The following PAQR3 variants were observed in gnomAD, a reference collection of about 807,000 sequenced individuals.
PAQR3 encodes Raf kinase trapping to Golgi.
Under a neutral mutation model 41.7 loss-of-function variants are expected in PAQR3, and 39 were observed. The ratio of observed to expected loss-of-function variants is 0.93; its 90% CI spans 0.72 to 1.22. The LOEUF (loss-of-function observed/expected upper bound fraction) is 1.22, where lower values mean the gene tolerates loss of function less well. Among genes scored for constraint, PAQR3 ranks in the 50% most tolerant of loss-of-function variants. PAQR3 has a pLI of 0.00. For missense variants in PAQR3, 366 were observed against 385.6 expected, an observed-to-expected ratio of 0.95 and a Z score of 0.42; for synonymous variants, 140 against 140.6, an observed-to-expected ratio of 1.00 and a Z score of 0.03.
Position 78,912,928 on chromosome 4 carries a change from A to G in PAQR3, c.*7611T>C, listed in dbSNP as rs1734736285. The G allele has an allele frequency of 6.6e-6, 1 of 152,158 alleles. No homozygotes were observed. The allele number at this position is 152,158 out of a possible 1,614,324, so 9.4% of individuals were successfully genotyped here. On this transcript the variant is annotated 3_prime_UTR_variant, in exon 6 of 6. Transcript: ENST00000512733. ...GCATGGCTTCTTGCCCCAAACTTTTATTGTGATGGCCCTAATAAAGCAGAT... is the reference window on the plus strand; with the variant it reads ...GCATGGCTTCTTGCCCCAAACTTTTGTTGTGATGGCCCTAATAAAGCAGAT...
In PAQR3 at chr4:78,915,949, T is replaced by C. The variant is rs1735019330; in HGVS notation, c.*4590A>G. On this transcript the variant is annotated 3_prime_UTR_variant, in exon 6 of 6. Transcript: ENST00000512733. ...CTGGCAAACAGCTTTAAGTGCACTT[T>C]CTTTGATTACACTTCCATTTTTTGT... 6.6e-6 allele frequency: 1 copy of C among 152,002 alleles called. No homozygotes were observed. Among genetic ancestry groups the C allele is most frequent in the Non-Finnish European group, 1.5e-5 (1 of 67,900 alleles). 9.4% of individuals were successfully genotyped at this position (152,002 alleles called of 1,614,324 possible). A position where few individuals can be genotyped will look rare whatever the true frequency, so the allele number is the denominator to read the frequency against.
intron 4 of PAQR3, 94 bp downstream of exon 4, chr4:78,926,427 C>A: frequency 9.9e-7 from 1 of 1,011,196 alleles, no homozygotes; most frequent in South Asian, 1.6e-5. Flanking sequence ...TGACAAACAT[C>A]TACCCACTTG....
downstream of PAQR3, among the ~76,000 whole-genome samples, chr4:78,908,046 TATC>T (rs1734376455): frequency 6.6e-6 from 1 of 152,364 alleles, no homozygotes; most frequent in Admixed American, 6.5e-5. Context: ...TTGTTTTTAA[TATC>T]ATAAATACGC....
Position 78,930,179 on chromosome 4 carries a change from A to G in PAQR3, c.495T>C (p.Tyr165=). Reference sequence around the variant, plus strand: ...GTTTTCATCTACTTACGTTATTACAATAAAATGCGTAAAATACTCCTGAGA... The same window carrying G: ...GTTTTCATCTACTTACGTTATTACAGTAAAATGCGTAAAATACTCCTGAGA... ...CYVSGVFYAF[Y]CNNYWRQVYL... Residue 165 remains tyrosine, a synonymous_variant, in exon 3 of 6, where the codon TAT becomes TAC. Coordinates refer to ENST00000512733, the MANE Select transcript of PAQR3 (RefSeq NM_001040202.2). The G allele has an allele frequency of 6.2e-7, 1 of 1,609,734 alleles. No individual in the cohort carries two copies. The highest frequency in any genetic ancestry group is 1.1e-5 in the South Asian group (1 of 89,568).
intron 5 of PAQR3, 168 bp downstream of exon 5, chr4:78,923,689 G>A (rs1224702196): frequency 3.2e-6 from 2 of 633,646 alleles, no homozygotes; most frequent in Admixed American, 2.9e-5. Flanking sequence ...CAGGATGAAA[G>A]GAAAAGTGAA....
At chr4:78,922,365 T>C (rs2110136328) in intron 5 of PAQR3, 1 of 1,288,594 alleles carries the variant, frequency 7.8e-7, no homozygotes, top group Non-Finnish European at 1.0e-6. Flanking sequence ...CTTTCTTCTT[T>C]CCCAACACAC....
chr4:78,918,355 G>A lies in PAQR3; in HGVS notation c.*2184C>T, dbSNP rs994831890. On this transcript the variant is annotated 3_prime_UTR_variant, in exon 6 of 6. Transcript: ENST00000512733. ...TAACAATGTCTTCAAAATTTTACCA[G>A]TAGTGCTGTGCACACAGTAGGTGGT... The A allele has an allele frequency of 2.2e-5, 22 of 978,872 alleles. No individual in the cohort carries two copies. The highest frequency in any genetic ancestry group is 2.7e-5 in the Non-Finnish European group (22 of 823,814). 60.6% of individuals were successfully genotyped at this position (978,872 alleles called of 1,614,324 possible).
chr4:78,927,874 G>T (rs1385999110), intron 3 of PAQR3, among the ~76,000 whole-genome samples: 1 of 152,208 alleles, frequency 6.6e-6, no homozygotes. Flanking sequence ...TGTTTAGGGT[G>T]TGCGCAAAAG....
rs373989676 is a variant in PAQR3 at position 78,939,132 on chromosome 4, G to A, written c.93C>T (p.Tyr31=). ...PVLVPRGIRL[Y]TYEQIPGSLK... ...GGGACCCGGGGATCTGCTCGTAGGT[G>A]TACAGGCGGATGCCACGGGGCACCA... The change falls in exon 1 of 6, where the codon TAC becomes TAT. Residue 31 remains tyrosine (Y), a synonymous_variant. Coordinates refer to ENST00000512733, the MANE Select transcript of PAQR3 (RefSeq NM_001040202.2). The A allele has an allele frequency of 3.7e-6, 6 of 1,613,710 alleles. No individual in the cohort carries two copies. In the African/African-American group the frequency reaches 8.0e-5, roughly 22 times the overall value.
chr4:78,908,521 T>G (rs1734400562), downstream of PAQR3, among the ~76,000 whole-genome samples: 1 of 152,304 alleles, frequency 6.6e-6, no homozygotes, highest in East Asian at 1.9e-4. Flanking sequence ...TTCTTCTATG[T>G]TTTCTTCCGA....
intron 2 of PAQR3, among the ~76,000 whole-genome samples, chr4:78,932,865 T>A (rs547150263): frequency 1.4e-4 from 21 of 152,300 alleles, no homozygotes; most frequent in Middle Eastern, 3.4e-3. Context: ...GACTGAAAGA[T>A]AATCTGGCAA....
Position 78,915,606 on chromosome 4 carries a change from T to C in PAQR3, c.*4933A>G, listed in dbSNP as rs530612372. ...TTTATTTGAGAACTTTTATACTCAGTGGTGTTTTATATATTAAGATAAAAA... is the reference window on the plus strand; with the variant it reads ...TTTATTTGAGAACTTTTATACTCAGCGGTGTTTTATATATTAAGATAAAAA... On this transcript the variant is annotated 3_prime_UTR_variant, in exon 6 of 6. Transcript: ENST00000512733. The C allele has an allele frequency of 6.6e-6, 1 of 151,960 alleles. No individual in the cohort carries two copies. Among genetic ancestry groups the C allele is most frequent in the Non-Finnish European group, 1.5e-5 (1 of 67,884 alleles). 9.4% of individuals were successfully genotyped at this position (151,960 alleles called of 1,614,324 possible). A position where few individuals can be genotyped will look rare whatever the true frequency, so the allele number is the denominator to read the frequency against.
At chr4:78,935,521 T>C (rs1419145543) in intron 1 of PAQR3, among the ~76,000 whole-genome samples, 3 of 152,214 alleles carry the variant, frequency 2.0e-5, no homozygotes, top group African/African-American at 7.2e-5. Flanking sequence ...TACTTACCAT[T>C]TCCTTCTCTG....
At position 78,912,669 on chromosome 4, in the gene PAQR3, T is replaced by C. The variant is rs1734712075; in HGVS notation, c.*7870A>G. The C allele has an allele frequency of 6.6e-6, 1 of 152,176 alleles. No homozygotes were observed. The highest frequency in any genetic ancestry group is 6.5e-5 in the Admixed American group (1 of 15,274). 9.4% of individuals were successfully genotyped at this position (152,176 alleles called of 1,614,324 possible). On this transcript the variant is annotated 3_prime_UTR_variant, in exon 6 of 6. Coordinates refer to ENST00000512733, the MANE Select transcript of PAQR3 (RefSeq NM_001040202.2). ...AATATCTAATGATAAGCATATGAAATAATGTGTAATTAGCTCAATTTAACT... is the reference window on the plus strand; with the variant it reads ...AATATCTAATGATAAGCATATGAAACAATGTGTAATTAGCTCAATTTAACT...
At chr4:78,903,303 G>A (rs1159049346) in intron 11 of PAQR3, among the ~76,000 whole-genome samples, 1 of 151,936 alleles carries the variant, frequency 6.6e-6, no homozygotes, top group East Asian at 1.9e-4. Flanking sequence ...TCATTTTCCA[G>A]ATCACTAGAG....
chr4:78,901,127 C>T (rs7692450), intron 11 of PAQR3, among the ~76,000 whole-genome samples: 19,476 of 152,060 alleles, frequency 0.13, 2,260 homozygotes, highest in African/African-American at 0.31. Context: ...TACTACAGCC[C>T]GGACCTCTTG....
chr4:78,891,001 C>A (rs1318220528), intron 11 of PAQR3, among the ~76,000 whole-genome samples: 1 of 152,114 alleles, frequency 6.6e-6, no homozygotes, highest in Non-Finnish European at 1.5e-5. Flanking sequence ...GAGTTTAAGA[C>A]CAGTCTGGGT....
chr4:78,922,192 A>G (rs1004074910), intron 5 of PAQR3: 1 of 1,059,122 alleles, frequency 9.4e-7, no homozygotes, highest in South Asian at 3.1e-5. Flanking sequence ...GTGGTCTTCA[A>G]TTCAGTGGCA....
At chr4:78,907,871 G>A (rs1277783229), downstream of PAQR3, among the ~76,000 whole-genome samples, 1 of 152,132 alleles carries the variant, frequency 6.6e-6, no homozygotes, top group Admixed American at 6.5e-5. Context: ...GAATGTTGTG[G>A]CTGTGGGTGG....
Sources: gnomAD v4.1 joint callset for allele counts (sites outside exome capture counted in the v4.1 genomes callset) on GRCh38, gnomAD v4.1.1 for gene constraint, MANE v1.5 for transcripts, NCBI Gene and HGNC (gene_info 2026-07-23, HGNC 2026-07-21) for gene names.